The following TBK1 variants were observed in gnomAD, a reference collection of about 807,000 sequenced individuals.
TBK1 encodes serine/threonine-protein kinase TBK1.
Under a neutral mutation model 99.9 loss-of-function variants are expected in TBK1, and 37 were observed. That is an observed-to-expected ratio of 0.37 (90% confidence interval 0.28 to 0.49). TBK1 has a LOEUF of 0.49. Among genes scored for constraint, TBK1 ranks in the 20% least tolerant of loss-of-function variants. TBK1 has a pLI of 0.98. For missense variants in TBK1, 644 were observed against 872.5 expected (o/e 0.74, Z 3.30); for synonymous variants, 258 against 279.8 (o/e 0.92, Z 0.78).
At chr12:64,464,930 A>T (rs2040586692) in intron 4 of TBK1, among the ~76,000 whole-genome samples, 1 of 152,076 alleles carries the variant, frequency 6.6e-6, no homozygotes, top group East Asian at 1.9e-4. Context: ...CTTTATACCA[A>T]TGAAAATGAC....
intron 3 of TBK1, among the ~76,000 whole-genome samples, chr12:64,460,593 T>C (rs958888635): frequency 6.6e-6 from 1 of 152,070 alleles, no homozygotes; most frequent in Non-Finnish European, 1.5e-5. Context: ...CCCAGCACTT[T>C]GGGAGACCGA....
At chr12:64,495,370 T>C (rs2040914774) in intron 13 of TBK1, 113 bp from the exon 14 acceptor site, 1 of 1,316,706 alleles carries the variant, frequency 7.6e-7, no homozygotes, top group Admixed American at 2.4e-5. Context: ...ACTGTGCCTT[T>C]GAATTGAAGT....
In TBK1 at chr12:64,484,482, G is replaced by A; in HGVS notation, c.1172G>A (p.Gly391Glu). 1 of 1,594,022 alleles carries A rather than the reference G, an allele frequency of 6.3e-7. No homozygotes were observed. The highest frequency in any genetic ancestry group is 8.5e-7 in the Non-Finnish European group (1 of 1,174,002). ...AGCCGGGAACCTCTGAATACCATAG[G>A]ATTAATATATGAAAAAAGTAAGTTG... ...VVSREPLNTIGLIYEKISLPK... is the reference protein window; with the variant it reads ...VVSREPLNTIELIYEKISLPK... Residue 391 changes from glycine to glutamate, a missense_variant, in exon 9 of 21, where the codon GGA becomes GAA. Physicochemically the swap from Gly to Glu is moderately conservative, Grantham distance 98. Around this residue, in one of 3 missense-constraint regions of TBK1, gnomAD observed 465 missense variants for 588.0 expected, o/e 0.79. Transcript: ENST00000331710.
At chr12:64,471,791 C>G (rs975141140) in intron 5 of TBK1, among the ~76,000 whole-genome samples, 1 of 152,200 alleles carries the variant, frequency 6.6e-6, no homozygotes, top group African/African-American at 2.4e-5. Flanking sequence ...CACATCAGGA[C>G]AGAGCCAGTG....
intron 9 of TBK1, 84 bp downstream of exon 9, chr12:64,484,583 A>G: frequency 1.5e-6 from 2 of 1,358,770 alleles, no homozygotes; most frequent in Non-Finnish European, 9.9e-7. Context: ...CCTTGTCTCT[A>G]CAAAAAAATA....
At chr12:64,463,870 GTT>G (rs562876176) in intron 3 of TBK1, among the ~76,000 whole-genome samples, 1 of 137,862 alleles carries the variant, frequency 7.3e-6, no homozygotes. Flanking sequence ...TTTTTTTTTT[GTT>G]TTTTTTTTTT....
intron 13 of TBK1, 184 bp from the exon 14 acceptor site, chr12:64,495,299 A>G: frequency 1.6e-6 from 1 of 621,890 alleles, no homozygotes; most frequent in African/African-American, 1.9e-5. Flanking sequence ...TTATTATCAT[A>G]CTGTACCCCT....
At chr12:64,488,073 A>G (rs1433293792) in intron 11 of TBK1, among the ~76,000 whole-genome samples, 2 of 152,222 alleles carry the variant, frequency 1.3e-5, no homozygotes, top group Non-Finnish European at 2.9e-5. Context: ...TCTGAAAAAC[A>G]CTTCTGGTCC....
At chr12:64,486,497 C>T (rs1393953640) in intron 11 of TBK1, among the ~76,000 whole-genome samples, 1 of 151,420 alleles carries the variant, frequency 6.6e-6, no homozygotes, top group African/African-American at 2.4e-5. Context: ...TGCAGTGGCA[C>T]AATCACAGAT....
At chr12:64,488,982 C>T (rs941820463) in intron 12 of TBK1, among the ~76,000 whole-genome samples, 1 of 152,154 alleles carries the variant, frequency 6.6e-6, no homozygotes, top group Non-Finnish European at 1.5e-5. Context: ...CAGAGTGAGA[C>T]TCCATCTCAA....
At chr12:64,465,253 A>AC (rs1226236448) in intron 4 of TBK1, among the ~76,000 whole-genome samples, 4 of 150,832 alleles carry the variant, frequency 2.7e-5, no homozygotes, top group South Asian at 4.2e-4. Context: ...AAAAAAAAAA[A>AC]AAAAAAAAAA....
chr12:64,482,860 T>C (rs963422195), intron 8 of TBK1, among the ~76,000 whole-genome samples: 10 of 152,228 alleles, frequency 6.6e-5, no homozygotes, highest in Non-Finnish European at 1.3e-4. Flanking sequence ...TTAGAACTAT[T>C]CCCATCATTA....
At chr12:64,489,981 CT>C (rs1257226680) in intron 12 of TBK1, 59 bp from the exon 13 acceptor site, 1 of 999,452 alleles carries the variant, frequency 1.0e-6, no homozygotes, top group East Asian at 2.9e-5. Flanking sequence ...TATAAAACAT[CT>C]TTTTAAAACT....
intron 6 of TBK1, among the ~76,000 whole-genome samples, chr12:64,476,150 C>CTTTTT (rs59104364): frequency 1.2e-3 from 61 of 51,840 alleles, no homozygotes; most frequent in East Asian, 1.9e-3. Context: ...GCGTAGTCTT[C>CTTTTT]TTTTTTTTTT....
intron 10 of TBK1, 44 bp downstream of exon 10, chr12:64,485,557 G>A (rs2040812382): frequency 9.8e-7 from 1 of 1,015,550 alleles, no homozygotes; most frequent in Non-Finnish European, 1.5e-6. Context: ...TGAATTTAAT[G>A]TATCCTATCA....
At chr12:64,470,865 T>C (rs775699587) in intron 5 of TBK1, among the ~76,000 whole-genome samples, 14 of 152,210 alleles carry the variant, frequency 9.2e-5, no homozygotes, top group Non-Finnish European at 1.5e-4. Flanking sequence ...AGTTTAGCTT[T>C]TGCCTCTAAG....
In TBK1 at chr12:64,465,918, A is replaced by C. The variant is rs542075365; in HGVS notation, c.359-983A>C. Among the ~76,000 whole-genome samples the C allele has an allele frequency of 2.6e-5, 4 of 152,362 alleles. No individual in the cohort carries two copies. In the South Asian group the frequency reaches 8.3e-4, roughly 32 times the overall value. On this transcript the variant is annotated intron_variant, in intron 4 of 20. Transcript: ENST00000331710. ...AAAAGATGAATGTTATGTTTGAATTATATCTCAGTGAACCTATTTTTTAAA... is the reference window on the plus strand; with the variant it reads ...AAAAGATGAATGTTATGTTTGAATTCTATCTCAGTGAACCTATTTTTTAAA...
chr12:64,501,039 G>A (rs897032398), intron 20 of TBK1, among the ~76,000 whole-genome samples: 35 of 152,088 alleles, frequency 2.3e-4, no homozygotes, highest in African/African-American at 7.2e-4. Context: ...GATTACAGGC[G>A]TGAGCCACTG....
At chr12:64,479,736 T>A (rs1335402853) in intron 6 of TBK1, among the ~76,000 whole-genome samples, 1 of 152,214 alleles carries the variant, frequency 6.6e-6, no homozygotes, top group African/African-American at 2.4e-5. Context: ...AAAATTAATA[T>A]ATTTGTTGTG....
Sources: allele counts gnomAD v4.1 joint callset (sites outside exome capture counted in the v4.1 genomes callset), GRCh38; gene constraint gnomAD v4.1.1; regional missense constraint gnomAD v4.1.1; transcripts MANE v1.5; gene names NCBI Gene and HGNC (gene_info 2026-07-23, HGNC 2026-07-21).